The following ASMT variants were observed in gnomAD, a reference collection of about 807,000 sequenced individuals.
ASMT encodes the protein acetylserotonin O-methyltransferase, also known as acetylserotonin N-methyltransferase.
ASMT carries 53 observed loss-of-function variants against 41.3 expected under a neutral mutation model. The ratio of observed to expected loss-of-function variants is 1.28; its 90% confidence interval spans 1.03 to 1.61. The LOEUF is 1.61. Among genes scored for constraint, ASMT ranks in the 40% most tolerant of loss-of-function variants. The probability of loss-of-function intolerance (pLI) is 0.00; values close to 1 mark genes in which losing one functional copy is unlikely to be tolerated. For missense variants in ASMT, 531 were observed against 441.3 expected (o/e 1.20, Z -1.82); for synonymous variants, 231 against 184.8 (o/e 1.25, Z -2.03).
rs753594829 is a variant in ASMT, at chrX:1,642,956, G to C, written c.1064G>C (p.Arg355Thr). Residue 355 changes from arginine (R) to threonine (T), a missense_variant, in exon 9 of 9, where the codon AGA (arginine) becomes ACA (threonine). By Grantham distance (71) the Arg-to-Thr change is moderately conservative. Transcript: ENST00000381241. The part of the protein sequence containing the change: ...YHMLLSSAGF[R>T]DFQFKKTGAI... ...ATGCTCCTCTCTTCTGCTGGCTTCAGAGACTTCCAGTTTAAGAAAACAGGA... is the reference window on the plus strand; with the variant it reads ...ATGCTCCTCTCTTCTGCTGGCTTCACAGACTTCCAGTTTAAGAAAACAGGA... 1 of 1,613,992 alleles carries C rather than the reference G, an allele frequency of 6.2e-7. No individual in the cohort carries two copies. The highest frequency in any genetic ancestry group is 8.5e-7 in the Non-Finnish European group (1 of 1,179,886).
intron 3 of ASMT, among the ~76,000 whole-genome samples, chrX:1,626,756 G>A (rs1315199628): frequency 4.6e-5 from 7 of 152,204 alleles, no homozygotes; most frequent in African/African-American, 1.2e-4. Context: ...GGCCAGGCGC[G>A]GTGGCTCACG....
At chrX:1,615,748 G>T (rs766403884) in intron 1 of ASMT, among the ~76,000 whole-genome samples, 2 of 151,814 alleles carry the variant, frequency 1.3e-5, no homozygotes, top group Non-Finnish European at 2.9e-5. Context: ...GTTGCAGTGA[G>T]CCGAGATCGC....
In ASMT at chrX:1,618,309, G is replaced by A. The variant is rs1265566149; in HGVS notation, c.69+3041G>A. Among the ~76,000 whole-genome samples the A allele has an allele frequency of 6.6e-5, 10 of 152,156 alleles. No homozygotes were observed. The South Asian group carries it at 1.0e-3, about 16-fold the overall frequency. On this transcript the variant is annotated intron_variant, in intron 1 of 8. Coordinates refer to ENST00000381241, the MANE Select transcript of ASMT (RefSeq NM_001171038.2). ...CTCCTGAGTAGCTGGGATTTCAGGC[G>A]TCCACCACCACGCCCGGCTAATTTT...
intron 1 of ASMT, among the ~76,000 whole-genome samples, chrX:1,617,071 G>A (rs1386261897): frequency 9.9e-5 from 15 of 152,154 alleles, no homozygotes; most frequent in Non-Finnish European, 1.6e-4. Flanking sequence ...TACTCAGGAG[G>A]CTGAGGCGGG....
chrX:1,632,094 G>A (rs1476046416), intron 5 of ASMT, among the ~76,000 whole-genome samples: 1 of 152,136 alleles, frequency 6.6e-6, no homozygotes, highest in Non-Finnish European at 1.5e-5. Context: ...TGGACAAGGA[G>A]CATGGGGCTG....
chrX:1,623,404 G>A, intron 2 of ASMT, 91 bp downstream of exon 2: 1 of 1,506,928 alleles, frequency 6.6e-7, no homozygotes, highest in African/African-American at 1.4e-5. Context: ...TCTCCATCCT[G>A]GCTCACACAG....
intron 4 of ASMT, chrX:1,628,104 T>C: frequency 7.8e-6 from 3 of 383,444 alleles, no homozygotes; most frequent in East Asian, 6.0e-5. Flanking sequence ...GTGGATCACC[T>C]GAGGTCAGGA....
At chrX:1,620,059 C>G (rs181979830) in intron 1 of ASMT, among the ~76,000 whole-genome samples, 1 of 150,484 alleles carries the variant, frequency 6.6e-6, no homozygotes, top group African/African-American at 2.4e-5. Flanking sequence ...CACCACTGCA[C>G]TCCAGCCTGG....
At position 1,632,686 on chromosome X, in the gene ASMT, C is replaced by T. The variant is rs768004108; in HGVS notation, c.563-18C>T. The T allele has an allele frequency of 3.3e-5, 6 of 179,394 alleles. No homozygotes were observed. Among genetic ancestry groups the T allele is most frequent in the Non-Finnish European group, 4.8e-5 (4 of 82,898 alleles). The allele number at this position is 179,394 out of a possible 1,614,324, so 11.1% of individuals were successfully genotyped here. A position where few individuals can be genotyped will look rare whatever the true frequency, so the allele number is the denominator to read the frequency against. ...AAATAAATTAATAAATAAAAGGATG[C>T]GTTCATGTCCTTTGCAGGGACATGG... On this transcript the variant is annotated intron_variant, in intron 5 of 8. Coordinates refer to ENST00000381241, the MANE Select transcript of ASMT (RefSeq NM_001171038.2).
At chrX:1,618,719 G>C (rs1328761797) in intron 1 of ASMT, among the ~76,000 whole-genome samples, 1 of 152,244 alleles carries the variant, frequency 6.6e-6, no homozygotes, top group African/African-American at 2.4e-5. Flanking sequence ...TTATAGGCAT[G>C]AGCCAACATG....
chrX:1,622,563 G>T (rs1191343768), intron 1 of ASMT, among the ~76,000 whole-genome samples: 1 of 151,926 alleles, frequency 6.6e-6, no homozygotes, highest in Non-Finnish European at 1.5e-5. Flanking sequence ...GGGATTATAG[G>T]TATGAGTTAA....
chrX:1,623,125 G>T lies in ASMT; in HGVS notation c.70-14G>T. The T allele has an allele frequency of 1.2e-6, 2 of 1,612,054 alleles. No homozygotes were observed. The highest frequency in any genetic ancestry group is 1.7e-6 in the Non-Finnish European group (2 of 1,179,782). ...GGCTGAGCCCTGACCTTTTATTTCC[G>T]CTCCTGCTCCAAGGTTCTCTTCGCC... On this transcript the variant is annotated splice_polypyrimidine_tract_variant and intron_variant, in intron 1 of 8. Coordinates refer to ENST00000381241, the MANE Select transcript of ASMT (RefSeq NM_001171038.2).
chrX:1,624,345 G>A lies in ASMT; in HGVS notation c.321G>A (p.Lys107=), dbSNP rs1177010183. 6 of 1,613,946 alleles carry A rather than the reference G, an allele frequency of 3.7e-6. No homozygotes were observed. Among genetic ancestry groups the A allele is most frequent in the Non-Finnish European group, 5.1e-6 (6 of 1,179,874 alleles). The change falls in exon 3 of 9, where the codon AAG becomes AAA. Residue 107 remains lysine (K), a synonymous_variant. Coordinates refer to ENST00000381241, the MANE Select transcript of ASMT (RefSeq NM_001171038.2). ...CGACGTCACAATGCAGCATGCTGAA[G>A]TACATGGGCAGGACCAGCTACCGGT... The part of the protein sequence containing the change: ...VSPTSQCSML[K]YMGRTSYRCW...
Position 1,633,217 on chromosome X carries a change from C to A in ASMT, c.714C>A (p.Asp238Glu). ...LYPGCKITVFDIPEVVWTAKQ... is the reference protein window; with the variant it reads ...LYPGCKITVFEIPEVVWTAKQ... ...CTGGATGTAAGATCACCGTTTTTGA[C>A]ATCCCAGAAGTGGTGTGGACGGCAA... Residue 238 changes from aspartate to glutamate, a missense_variant, in exon 7 of 9, where the codon GAC becomes GAA. Transcript: ENST00000381241. The A allele has an allele frequency of 6.2e-7, 1 of 1,613,860 alleles. No homozygotes were observed. The highest frequency in any genetic ancestry group is 8.5e-7 in the Non-Finnish European group (1 of 1,179,850).
chrX:1,620,148 G>A lies in ASMT; in HGVS notation c.70-2991G>A, dbSNP rs1450508559. On this transcript the variant is annotated intron_variant, in intron 1 of 8. Coordinates refer to ENST00000381241, the MANE Select transcript of ASMT (RefSeq NM_001171038.2). ...AGAAAAAGGTTAATACAACATTAAA[G>A]AACAAGAATTAATATAGCTTTTTTT... 1.4e-4 allele frequency among the ~76,000 whole-genome samples: 19 copies of A among 139,662 alleles called. No individual in the cohort carries two copies. The East Asian group carries it at 4.3e-3, about 31-fold the overall frequency. 91.6% of individuals were successfully genotyped at this position (139,662 alleles called of 152,430 possible).
Position 1,633,419 on chromosome X carries a change from A to G in ASMT, c.787+129A>G, listed in dbSNP as rs1395126398. The G allele has an allele frequency of 5.7e-6, 6 of 1,055,402 alleles. No individual in the cohort carries two copies. The African/African-American group carries it at 7.7e-5, about 14-fold the overall frequency. The allele number at this position is 1,055,402 out of a possible 1,614,324, so 65.4% of individuals were successfully genotyped here. On this transcript the variant is annotated intron_variant, in intron 7 of 8. Coordinates refer to ENST00000381241, the MANE Select transcript of ASMT (RefSeq NM_001171038.2). ...CTCCCGGAAACACCCTCAACTCAAC[A>G]CTGTCTGTTATTCATGATGGATGGA...
chrX:1,633,674 C>G (rs1364890110), intron 7 of ASMT, among the ~76,000 whole-genome samples: 1 of 148,014 alleles, frequency 6.8e-6, no homozygotes, highest in African/African-American at 2.5e-5. Flanking sequence ...GAGTCTCACT[C>G]TCTTGCCCGG....
intron 5 of ASMT, among the ~76,000 whole-genome samples, chrX:1,631,818 G>A (rs1315106330): frequency 6.6e-6 from 1 of 152,100 alleles, no homozygotes; most frequent in African/African-American, 2.4e-5. Context: ...GGGAGGCTGA[G>A]GCGGGCGGAT....
chrX:1,630,477 T>C (rs559622560), intron 5 of ASMT, among the ~76,000 whole-genome samples: 1 of 152,146 alleles, frequency 6.6e-6, no homozygotes, highest in South Asian at 2.1e-4. Flanking sequence ...GGCTAATTTT[T>C]GTATTTTTTA....
Sources: allele counts gnomAD v4.1 joint callset (sites outside exome capture counted in the v4.1 genomes callset), GRCh38; gene constraint gnomAD v4.1.1; transcripts MANE v1.5; gene names NCBI Gene and HGNC (gene_info 2026-07-23, HGNC 2026-07-21).